Variants in MYO18A observed in about 807,000 individuals in gnomAD.
MYO18A encodes unconventional myosin-XVIIIa.
A neutral mutation model predicts 235.8 loss-of-function variants in MYO18A; 78 were observed. The observed-to-expected ratio is 0.33, with a 90% CI of 0.28 to 0.40. MYO18A has a LOEUF of 0.40. Ranked by LOEUF, MYO18A falls within the 10% of genes least tolerant of loss-of-function variation. MYO18A has a pLI of 1.00. For synonymous variants in MYO18A, 977 were observed against 1,077.8 expected, an observed-to-expected ratio of 0.91 and a Z score of 1.83; for missense variants, 2,215 against 2,699.3, an observed-to-expected ratio of 0.82 and a Z score of 3.98.
intron 2 of MYO18A, among the ~76,000 whole-genome samples, chr17:29,142,007 T>C (rs553162839): frequency 6.6e-6 from 1 of 152,104 alleles, no homozygotes; most frequent in Non-Finnish European, 1.5e-5. Context: ...TGCAGTGGCG[T>C]GATCTCGGCT....
At chr17:29,093,847 G>A (rs901481330) in intron 31 of MYO18A, 133 bp downstream of exon 31, 8 of 667,838 alleles carry the variant, frequency 1.2e-5, no homozygotes, top group African/African-American at 3.6e-5. Flanking sequence ...CTAGGATCCC[G>A]AGAGGCGCTT....
chr17:29,125,900 G>A lies in MYO18A; in HGVS notation c.1000-3647C>T. On this transcript the variant is annotated intron_variant, in intron 2 of 41. Transcript: ENST00000527372. The surrounding 1 kb of genome is among the most constrained non-coding windows in gnomAD (Gnocchi z 5.1). ...ACACAAGAGTGGCATTACAGAAGCT[G>A]TGAAGATCCTCTCCAGCCGCTGGTG... is the stretch of plus-strand genomic sequence containing the variant. The A allele has an allele frequency of 2.0e-6, 2 of 985,866 alleles. No homozygotes were observed. Among genetic ancestry groups the A allele is most frequent in the Non-Finnish European group, 1.2e-6 (1 of 829,912 alleles). The allele number at this position is 985,866 out of a possible 1,614,324, so 61.1% of individuals were successfully genotyped here.
At chr17:29,129,120 T>G in intron 2 of MYO18A, 2 of 1,289,294 alleles carry the variant, frequency 1.6e-6, no homozygotes, top group Non-Finnish European at 2.0e-6. Context: ...CTACCCATCC[T>G]GAAGGAAAAA....
intron 2 of MYO18A, among the ~76,000 whole-genome samples, chr17:29,133,249 C>T (rs2067516282): frequency 6.6e-6 from 1 of 152,232 alleles, no homozygotes; most frequent in African/African-American, 2.4e-5. Context: ...CTCCTCCCTC[C>T]CCCATCAGAA....
At chr17:29,130,474 C>CCACACACACACACA (rs71135871) in intron 2 of MYO18A, among the ~76,000 whole-genome samples, 3 of 142,140 alleles carry the variant, frequency 2.1e-5, no homozygotes, top group Non-Finnish European at 4.6e-5. Flanking sequence ...GAGGCCTCTC[C>CCACACACACACACA]CACACACACA....
intron 37 of MYO18A, among the ~76,000 whole-genome samples, chr17:29,088,052 C>A (rs1014565228): frequency 2.4e-5 from 3 of 124,656 alleles, no homozygotes; most frequent in African/African-American, 5.9e-5. Flanking sequence ...AAAATAAATT[C>A]TTTTTTTTTT....
intron 36 of MYO18A, 70 bp from the exon 37 acceptor site, chr17:29,090,168 G>A: frequency 6.5e-7 from 1 of 1,526,982 alleles, no homozygotes; most frequent in Non-Finnish European, 8.9e-7. Context: ...TCTGGGGCAG[G>A]CAATATCACC....
chr17:29,103,531 G>T, intron 21 of MYO18A, 68 bp downstream of exon 21: 1 of 1,457,100 alleles, frequency 6.9e-7, no homozygotes, highest in Non-Finnish European at 9.6e-7. Flanking sequence ...AGAACAGGAG[G>T]AGTGGGCCAG....
chr17:29,086,007 G>A (rs754586975), intron 39 of MYO18A, among the ~76,000 whole-genome samples: 2 of 152,342 alleles, frequency 1.3e-5, no homozygotes, highest in East Asian at 1.9e-4. Context: ...TTCCTTCCTC[G>A]TGACTGTCTC....
At chr17:29,088,678 T>G (rs1812863096) in intron 37 of MYO18A, among the ~76,000 whole-genome samples, 1 of 152,156 alleles carries the variant, frequency 6.6e-6, no homozygotes, top group African/African-American at 2.4e-5. Flanking sequence ...CCTTTCTGCC[T>G]CTCTCTTGCT....
chr17:29,111,849 G>T lies in MYO18A; in HGVS notation c.2613C>A (p.Ala871=). Residue 871 remains alanine (A), a synonymous_variant, in exon 16 of 42, where the codon GCC becomes GCA. Coordinates refer to ENST00000527372, the MANE Select transcript of MYO18A (RefSeq NM_078471.4). The surrounding 1 kb of genome is among the most constrained non-coding windows in gnomAD (Gnocchi z 5.1). The part of the protein sequence containing the change: ...ASHQSLVRSL[A]RTDEARGLLW... ...GCAGGCCCCTCGCCTCGTCTGTGCG[G>T]GCCAGCGAGCGGACCTACAGAGAAG... 1 of 1,612,402 alleles carries T rather than the reference G, an allele frequency of 6.2e-7. No individual in the cohort carries two copies. Among genetic ancestry groups the T allele is most frequent in the East Asian group, 2.2e-5 (1 of 44,866 alleles).
chr17:29,090,289 C>T, intron 36 of MYO18A, 191 bp from the exon 37 acceptor site: 1 of 709,254 alleles, frequency 1.4e-6, no homozygotes, highest in Admixed American at 2.9e-5. Flanking sequence ...AGAGATTGCC[C>T]TTCAGAGAGA....
At chr17:29,134,373 G>A (rs918040551) in intron 2 of MYO18A, among the ~76,000 whole-genome samples, 4 of 151,494 alleles carry the variant, frequency 2.6e-5, no homozygotes, top group South Asian at 2.1e-4. Flanking sequence ...GTGAGCTGAC[G>A]TGCCCGGCCA....
intron 40 of MYO18A, 63 bp downstream of exon 40, chr17:29,085,541 A>G (rs1384835140): frequency 2.0e-6 from 3 of 1,509,300 alleles, no homozygotes; most frequent in Non-Finnish European, 2.8e-6. Flanking sequence ...GGTGGGAGCC[A>G]GTGTTAGGGG....
intron 19 of MYO18A, among the ~76,000 whole-genome samples, chr17:29,108,175 C>G (rs574224356): frequency 7.2e-5 from 11 of 152,222 alleles, no homozygotes; most frequent in African/African-American, 2.2e-4. Flanking sequence ...TCCTTTTCCC[C>G]CTCTGTCCAC....
At chr17:29,127,429 T>C (rs2067348718) in intron 2 of MYO18A, among the ~76,000 whole-genome samples, 1 of 152,256 alleles carries the variant, frequency 6.6e-6, no homozygotes, top group African/African-American at 2.4e-5. Context: ...AAGTCTGAGA[T>C]GGGACTTTGC....
chr17:29,094,425 C>T, intron 30 of MYO18A: 1 of 615,674 alleles, frequency 1.6e-6, no homozygotes, highest in Non-Finnish European at 2.8e-6. Context: ...GAGCCCCTCC[C>T]TACTAGAGCT....
At chr17:29,130,474 CCA>C (rs71135871) in intron 2 of MYO18A, among the ~76,000 whole-genome samples, 12,335 of 141,120 alleles carry the variant, frequency 0.087, 590 homozygotes, top group Middle Eastern at 0.13. Flanking sequence ...GAGGCCTCTC[CCA>C]CACACACACA....
At chr17:29,160,153 C>T (rs2068142818) in intron 2 of MYO18A, among the ~76,000 whole-genome samples, 1 of 152,218 alleles carries the variant, frequency 6.6e-6, no homozygotes, top group Non-Finnish European at 1.5e-5. Flanking sequence ...GCCAACATCT[C>T]ACATACGTGA....
Sources: allele counts gnomAD v4.1 joint callset (sites outside exome capture counted in the v4.1 genomes callset), GRCh38; gene constraint gnomAD v4.1.1; non-coding constraint Gnocchi (gnomAD v3.1); transcripts MANE v1.5; gene names NCBI Gene and HGNC (gene_info 2026-07-23, HGNC 2026-07-21).